The following NTM variants were observed in gnomAD, a reference collection of about 807,000 sequenced individuals.
The protein encoded by NTM is neurotrimin.
A neutral mutation model predicts 42.1 loss-of-function variants in NTM; 13 were observed. The ratio of observed to expected loss-of-function variants is 0.31; its 90% CI spans 0.20 to 0.49. The LOEUF is 0.49. NTM is among the 20% of genes least tolerant of loss of function. The pLI is 0.99. For missense variants in NTM, 373 were observed against 452.8 expected, an observed-to-expected ratio of 0.82 and a Z score of 1.60; for synonymous variants, 187 against 179.2, an observed-to-expected ratio of 1.04 and a Z score of -0.35.
chr11:131,493,608 C>T (rs999499122), intron 1 of NTM, among the ~76,000 whole-genome samples: 5 of 152,198 alleles, frequency 3.3e-5, no homozygotes, highest in African/African-American at 9.7e-5. Flanking sequence ...GGGTAACTCA[C>T]GTGTATTACA....
chr11:131,789,892 C>G lies in NTM; in HGVS notation c.83-121672C>G, dbSNP rs371220505. 3.8e-5 allele frequency among the ~76,000 whole-genome samples: 5 copies of G among 131,084 alleles called. No homozygotes were observed. The South Asian group carries it at 7.7e-4, about 20-fold the overall frequency. The allele number at this position is 131,084 out of a possible 152,430, so 86.0% of individuals were successfully genotyped here. Reference sequence around the variant, plus strand: ...AATGGCGTGAACCCGGGAGGCGGAGCTTGCAGTGAGCCGAGATCGCGCCAC... The same window carrying G: ...AATGGCGTGAACCCGGGAGGCGGAGGTTGCAGTGAGCCGAGATCGCGCCAC... On this transcript the variant is annotated intron_variant, in intron 1 of 8. Transcript: ENST00000683400.
At chr11:131,463,498 T>C (rs924513751) in intron 1 of NTM, among the ~76,000 whole-genome samples, 17 of 152,322 alleles carry the variant, frequency 1.1e-4, no homozygotes, top group Admixed American at 3.9e-4. Context: ...GGCTTGGGGA[T>C]TAGCATATCA....
intron 2 of NTM, among the ~76,000 whole-genome samples, chr11:132,040,086 G>A (rs1046626902): frequency 6.6e-5 from 9 of 135,732 alleles, no homozygotes; most frequent in South Asian, 2.4e-4. Flanking sequence ...ATGCTACCAC[G>A]TCCAGCTAAT....
At chr11:131,856,975 A>C (rs2046172093) in intron 1 of NTM, among the ~76,000 whole-genome samples, 1 of 152,224 alleles carries the variant, frequency 6.6e-6, no homozygotes, top group East Asian at 1.9e-4. Flanking sequence ...TTCTCCTTTG[A>C]TAAAAAAGCC....
intron 1 of NTM, among the ~76,000 whole-genome samples, chr11:131,818,152 G>A (rs1331230824): frequency 2.6e-5 from 4 of 152,092 alleles, no homozygotes; most frequent in East Asian, 1.9e-4. Flanking sequence ...CCACCTTCAC[G>A]CTGCAGTGCA....
intron 3 of NTM, among the ~76,000 whole-genome samples, chr11:132,174,366 A>G (rs1168570346): frequency 6.6e-6 from 1 of 152,210 alleles, no homozygotes; most frequent in Non-Finnish European, 1.5e-5. Context: ...TCTATAAACT[A>G]ATGACCCCTG....
chr11:132,256,214 A>T (rs1409808414), intron 4 of NTM, among the ~76,000 whole-genome samples: 1 of 152,024 alleles, frequency 6.6e-6, no homozygotes, highest in East Asian at 1.9e-4. Flanking sequence ...CATCCTTTTC[A>T]TATTATTTTC....
intron 1 of NTM, among the ~76,000 whole-genome samples, chr11:131,801,098 G>A (rs1037941715): frequency 3.3e-5 from 5 of 152,168 alleles, no homozygotes; most frequent in Non-Finnish European, 2.9e-5. Flanking sequence ...GGGAAGATTA[G>A]CACTTTTACA....
intron 4 of NTM, among the ~76,000 whole-genome samples, chr11:132,219,135 C>T (rs1482878377): frequency 6.6e-6 from 1 of 152,156 alleles, no homozygotes; most frequent in Non-Finnish European, 1.5e-5. Flanking sequence ...CATCTGTTCT[C>T]CTTCCATCCC....
At chr11:131,457,280 T>C (rs1950979317) in intron 1 of NTM, among the ~76,000 whole-genome samples, 1 of 152,100 alleles carries the variant, frequency 6.6e-6, no homozygotes, top group Non-Finnish European at 1.5e-5. Flanking sequence ...GCTTCTCAGA[T>C]GCAGTGCCAT....
intron 2 of NTM, among the ~76,000 whole-genome samples, chr11:132,106,848 T>C (rs1032616197): frequency 6.6e-6 from 1 of 152,182 alleles, no homozygotes; most frequent in Non-Finnish European, 1.5e-5. Flanking sequence ...TGTACTGCCA[T>C]TGAGCTGCGA....
chr11:131,393,117 C>T (rs1050390063), intron 1 of NTM, among the ~76,000 whole-genome samples: 3 of 152,164 alleles, frequency 2.0e-5, no homozygotes, highest in Non-Finnish European at 2.9e-5. Flanking sequence ...CTGTCTGGAA[C>T]GCCCTCTCGT....
chr11:131,719,543 G>A (rs1055889534), intron 1 of NTM, among the ~76,000 whole-genome samples: 2 of 152,158 alleles, frequency 1.3e-5, no homozygotes, highest in East Asian at 1.9e-4. Flanking sequence ...TGTGGTAGAG[G>A]GAGCAATGCC....
At chr11:132,228,325 T>C (rs2086745657) in intron 4 of NTM, among the ~76,000 whole-genome samples, 1 of 152,166 alleles carries the variant, frequency 6.6e-6, no homozygotes, top group African/African-American at 2.4e-5. Context: ...GCAGGCAGCC[T>C]CAGTGTTTAG....
chr11:131,858,703 C>A (rs921809245), intron 1 of NTM, among the ~76,000 whole-genome samples: 2 of 152,208 alleles, frequency 1.3e-5, no homozygotes, highest in African/African-American at 4.8e-5. Context: ...GCACGTTGAG[C>A]CGCAGCAGCT....
Position 132,146,581 on chromosome 11 carries a change from GT to G in NTM, c.400+69del. 6.6e-7 allele frequency: 1 copy of G among 1,523,880 alleles called. No individual in the cohort carries two copies. Among genetic ancestry groups the G allele is most frequent in the Non-Finnish European group, 9.0e-7 (1 of 1,115,026 alleles). 94.4% of individuals were successfully genotyped at this position (1,523,880 alleles called of 1,614,324 possible). On this transcript the variant is annotated intron_variant, in intron 3 of 8. Transcript: ENST00000683400. This position sits in a 1 kb window ranked among gnomAD's most constrained non-coding sequence, Gnocchi z 4.5. The stretch of plus-strand genomic sequence containing the variant: ...CTGGAAAGCCTTCAGGTAAAGGTTT[GT>G]TCTCTGATCCTCAACAGAGATGAGT...
intron 4 of NTM, among the ~76,000 whole-genome samples, chr11:132,268,207 T>C (rs969743857): frequency 6.6e-6 from 1 of 152,230 alleles, no homozygotes. Context: ...TTAGTTCCAA[T>C]AAGACTTATA....
chr11:131,634,499 T>A (rs10791159), intron 1 of NTM, among the ~76,000 whole-genome samples: 4 of 151,974 alleles, frequency 2.6e-5, no homozygotes, highest in African/African-American at 9.7e-5. Flanking sequence ...TCCATGACGC[T>A]AATGCACTGA....
intron 2 of NTM, among the ~76,000 whole-genome samples, chr11:132,064,308 T>C (rs895655559): frequency 2.0e-5 from 3 of 152,216 alleles, no homozygotes; most frequent in African/African-American, 4.8e-5. Context: ...AATCTATCTA[T>C]CTACCTATCT....
Sources: allele counts gnomAD v4.1 joint callset (sites outside exome capture counted in the v4.1 genomes callset), GRCh38; gene constraint gnomAD v4.1.1; non-coding constraint Gnocchi (gnomAD v3.1); transcripts MANE v1.5; gene names NCBI Gene and HGNC (gene_info 2026-07-23, HGNC 2026-07-21).